The following STAT5A variants were observed in gnomAD, a reference collection of about 807,000 sequenced individuals.
STAT5A encodes the protein signal transducer and activator of transcription 5A.
In STAT5A, 26 loss-of-function variants were observed where a neutral mutation model predicts 100.2. The ratio of observed to expected loss-of-function variants is 0.26; its 90% CI spans 0.19 to 0.36. The LOEUF is 0.36. STAT5A is among the 10% of genes least tolerant of loss of function. The pLI is 1.00. For synonymous variants in STAT5A, 330 were observed against 424.3 expected (o/e 0.78, Z 2.73); for missense variants, 634 against 1,027.5 (o/e 0.62, Z 5.24).
chr17:42,296,116 T>C (rs1221632805), intron 5 of STAT5A, among the ~76,000 whole-genome samples: 1 of 152,228 alleles, frequency 6.6e-6, no homozygotes, highest in Non-Finnish European at 1.5e-5. Flanking sequence ...ACTAGAGATA[T>C]ATCATAAAAC....
In STAT5A at chr17:42,305,647, G is replaced by A. The variant is rs1261086956; in HGVS notation, c.1418G>A (p.Ser473Asn). The stretch of plus-strand genomic sequence containing the variant: ...CCTGTGGTTGTCATCGTCCACGGCA[G>A]CCAGGACCACAATGCCACGGCTACT... The part of the protein sequence containing the change: ...SLPVVVIVHG[S>N]QDHNATATVL... Residue 473 changes from serine (S) to asparagine (N), a missense_variant, in exon 12 of 19, where the codon AGC becomes AAC. Transcript: ENST00000590949. 1 of 1,614,190 alleles carries A rather than the reference G, an allele frequency of 6.2e-7. No individual in the cohort carries two copies. The highest frequency in any genetic ancestry group is 8.5e-7 in the Non-Finnish European group (1 of 1,180,028).
intron 4 of STAT5A, among the ~76,000 whole-genome samples, chr17:42,293,356 C>G (rs1380137497): frequency 2.0e-5 from 3 of 152,108 alleles, no homozygotes; most frequent in Non-Finnish European, 2.9e-5. Flanking sequence ...AGGGGCCCAC[C>G]ACCATGCCCG....
chr17:42,299,915 G>A (rs1008751297), intron 6 of STAT5A, 34 bp downstream of exon 6: 10 of 1,588,204 alleles, frequency 6.3e-6, no homozygotes, highest in African/African-American at 1.4e-5. Flanking sequence ...CTGGGCGTGG[G>A]TGCCATGAAG....
At chr17:42,305,917 G>C (rs538642302) in intron 12 of STAT5A, among the ~76,000 whole-genome samples, 47 of 152,316 alleles carry the variant, frequency 3.1e-4, no homozygotes, top group Middle Eastern at 3.4e-3. Context: ...GGTCTGTGAG[G>C]ACTGTGAGCT....
At chr17:42,293,030 G>A (rs2080886195) in intron 4 of STAT5A, among the ~76,000 whole-genome samples, 1 of 152,126 alleles carries the variant, frequency 6.6e-6, no homozygotes, top group Non-Finnish European at 1.5e-5. Context: ...GGGGTAACAG[G>A]GACACATCTC....
intron 3 of STAT5A, among the ~76,000 whole-genome samples, chr17:42,291,657 A>T (rs568996680): frequency 6.6e-5 from 10 of 152,148 alleles, no homozygotes; most frequent in African/African-American, 2.2e-4. Flanking sequence ...TGGAGGTTGC[A>T]GTGAGCTGAG....
chr17:42,298,451 G>C (rs1346980671), intron 5 of STAT5A, among the ~76,000 whole-genome samples: 1 of 150,792 alleles, frequency 6.6e-6, no homozygotes, highest in African/African-American at 2.4e-5. Flanking sequence ...GTAAGCCACC[G>C]AGCCTGGCAC....
chr17:42,289,126 T>A (rs891965965), intron 1 of STAT5A: 1 of 342,934 alleles, frequency 2.9e-6, no homozygotes, highest in Non-Finnish European at 5.3e-6. Context: ...TCCCCCTCAC[T>A]AGGGAAGCTC....
Position 42,289,887 on chromosome 17 carries a change from TC to T in STAT5A, c.154del (p.Gln52ArgfsTer32). On this transcript the variant is annotated frameshift_variant, in exon 3 of 19. Transcript: ENST00000590949. LOFTEE classifies it high-confidence loss of function. ...QPWDAIDLDNPQDRAQATQLL... is the reference protein window; with the variant it reads ...QPWDAIDLDNXQDRAQATQLL... The stretch of plus-strand genomic sequence containing the variant: ...CAAGGGATGCCATTGACTTGGACAA[TC>T]CCCAGGACAGAGCCCAAGCCACCCA... 1 of 1,578,014 alleles carries T rather than the reference TC, an allele frequency of 6.3e-7. No homozygotes were observed. The highest frequency in any genetic ancestry group is 8.6e-7 in the Non-Finnish European group (1 of 1,161,710).
chr17:42,310,869 CTT>C lies in STAT5A; in HGVS notation c.*203_*204del. 2 of 873,478 alleles carry C rather than the reference CTT, an allele frequency of 2.3e-6. No homozygotes were observed. The highest frequency in any genetic ancestry group is 2.7e-5 in the East Asian group (1 of 37,070). The allele number at this position is 873,478 out of a possible 1,614,324, so 54.1% of individuals were successfully genotyped here. A position where few individuals can be genotyped will look rare whatever the true frequency, so the allele number is the denominator to read the frequency against. ...GATGTGGCTGCAGCAGCGGTGGCCTCTTTTCAGATCATGGCATCCAAGAGTGC... is the reference window on the plus strand; with the variant it reads ...GATGTGGCTGCAGCAGCGGTGGCCTCTTCAGATCATGGCATCCAAGAGTGC... On this transcript the variant is annotated 3_prime_UTR_variant, in exon 19 of 19. Coordinates refer to ENST00000590949, the MANE Select transcript of STAT5A (RefSeq NM_001288718.2).
intron 5 of STAT5A, 101 bp from the exon 6 acceptor site, chr17:42,299,650 A>G: frequency 1.3e-6 from 2 of 1,584,440 alleles, no homozygotes; most frequent in Non-Finnish European, 1.7e-6. Context: ...GCAGTGTCTG[A>G]GCCTGGGAGG....
At position 42,308,756 on chromosome 17, in the gene STAT5A, A is replaced by G; in HGVS notation, c.2063-291A>G. On this transcript the variant is annotated intron_variant, in intron 16 of 18. Coordinates refer to ENST00000590949, the MANE Select transcript of STAT5A (RefSeq NM_001288718.2). The surrounding 1 kb of genome is among the most constrained non-coding windows in gnomAD (Gnocchi z 4.6). The stretch of plus-strand genomic sequence containing the variant: ...CTCTTCTTCCAGCTGCCCCAAATCC[A>G]TTGGTTGGGTTTGCTTGTTGATTCT... 1 of 519,354 alleles carries G rather than the reference A, an allele frequency of 1.9e-6. No individual in the cohort carries two copies. The highest frequency in any genetic ancestry group is 3.4e-6 in the Non-Finnish European group (1 of 290,258). 32.2% of individuals were successfully genotyped at this position (519,354 alleles called of 1,614,324 possible). A position where few individuals can be genotyped will look rare whatever the true frequency, so the allele number is the denominator to read the frequency against.
intron 18 of STAT5A, 132 bp from the exon 19 acceptor site, chr17:42,310,375 G>A (rs1412929047): frequency 1.1e-6 from 1 of 946,238 alleles, no homozygotes; most frequent in East Asian, 2.6e-5. Flanking sequence ...GGGTGGGGTG[G>A]GGGCATCCAG....
rs568227003 is a variant in STAT5A, at chr17:42,290,169, T to A, written c.285+147T>A. On this transcript the variant is annotated intron_variant, in intron 3 of 18. Transcript: ENST00000590949. ...CTTTTCTTCGATTTCCCCCACCCCC[T>A]CTTTCTAAATTCGACCTGTCGGATT... The A allele has an allele frequency of 2.0e-5, 23 of 1,176,732 alleles. No individual in the cohort carries two copies. The African/African-American group carries it at 2.4e-4, about 12-fold the overall frequency. The allele number at this position is 1,176,732 out of a possible 1,614,324, so 72.9% of individuals were successfully genotyped here.
chr17:42,306,635 A>T (rs1022003426), intron 13 of STAT5A, among the ~76,000 whole-genome samples, 188 bp downstream of exon 13: 17 of 151,238 alleles, frequency 1.1e-4, no homozygotes, highest in Non-Finnish European at 2.2e-4. Flanking sequence ...AGTTGTGCTT[A>T]GTTGTGAAGC....
In STAT5A at chr17:42,288,758, G is replaced by A. The variant is rs1453638351; in HGVS notation, c.-11+160G>A. Among the ~76,000 whole-genome samples the A allele has an allele frequency of 6.6e-6, 1 of 152,218 alleles. No homozygotes were observed. The highest frequency in any genetic ancestry group is 1.5e-5 in the Non-Finnish European group (1 of 68,036). On this transcript the variant is annotated intron_variant, in intron 1 of 18. Transcript: ENST00000590949. The surrounding 1 kb of genome is among the most constrained non-coding windows in gnomAD (Gnocchi z 4.8). ...GGCCCAGCGCAGACGAGGGACGGGG[G>A]GACGTGGGGACAGGGGTCGGGGATG...
intron 9 of STAT5A, among the ~76,000 whole-genome samples, chr17:42,303,306 A>C (rs2144543334): frequency 6.6e-6 from 1 of 152,288 alleles, no homozygotes; most frequent in Non-Finnish European, 1.5e-5. Context: ...AAGACAAATG[A>C]CCTTCTCACT....
chr17:42,308,389 A>G lies in STAT5A; in HGVS notation c.2062+56A>G. The G allele has an allele frequency of 6.2e-7, 1 of 1,612,508 alleles. No homozygotes were observed. Among genetic ancestry groups the G allele is most frequent in the Admixed American group, 1.7e-5 (1 of 59,970 alleles). On this transcript the variant is annotated intron_variant, in intron 16 of 18. Transcript: ENST00000590949. The surrounding 1 kb of genome is among the most constrained non-coding windows in gnomAD (Gnocchi z 4.6). ...ACTCCCCCGGGCTCTTCCCCAGCCC[A>G]TAGACAAAGCCTTGGGCTGCGCCGT...
Position 42,308,671 on chromosome 17 carries a change from C to G in STAT5A, c.2062+338C>G, listed in dbSNP as rs1477125534. 12 of 491,118 alleles carry G rather than the reference C, an allele frequency of 2.4e-5. No homozygotes were observed. Among genetic ancestry groups the G allele is most frequent in the Non-Finnish European group, 4.1e-5 (11 of 270,980 alleles). 30.4% of individuals were successfully genotyped at this position (491,118 alleles called of 1,614,324 possible). On this transcript the variant is annotated intron_variant, in intron 16 of 18. Transcript: ENST00000590949. This position sits in a 1 kb window ranked among gnomAD's most constrained non-coding sequence, Gnocchi z 4.6. ...CGCTCCCCACCTCACCAGCTGCTCT[C>G]CACACCCTGCTCACAAACCTTCCCC...
Sources: allele counts gnomAD v4.1 joint callset (sites outside exome capture counted in the v4.1 genomes callset), GRCh38; gene constraint gnomAD v4.1.1; non-coding constraint Gnocchi (gnomAD v3.1); transcripts MANE v1.5; gene names NCBI Gene and HGNC (gene_info 2026-07-23, HGNC 2026-07-21).